The following STK4 variants were observed in gnomAD, a reference collection of about 807,000 sequenced individuals.
The protein encoded by STK4 is serine/threonine kinase 4.
STK4 carries 30 observed loss-of-function variants against 64.9 expected under a neutral mutation model. The ratio of observed to expected loss-of-function variants is 0.46; its 90% confidence interval spans 0.35 to 0.63. The LOEUF (loss-of-function observed/expected upper bound fraction) is 0.63. STK4 is among the 20% of genes least tolerant of loss of function. STK4 has a pLI of 0.01. For synonymous variants in STK4, 177 were observed against 199.0 expected (o/e 0.89, Z 0.93); for missense variants, 466 against 598.5 (o/e 0.78, Z 2.31).
chr20:45,000,627 G>A, intron 8 of STK4, 107 bp downstream of exon 8: 1 of 1,483,938 alleles, frequency 6.7e-7, no homozygotes, highest in African/African-American at 1.4e-5. Context: ...TGGAGCTGGA[G>A]ATGCTTCCAG....
rs1479927386 is a variant in STK4 at position 45,054,219 on chromosome 20, T to A, written c.1306-20799T>A. Among the ~76,000 whole-genome samples, 3 of 152,046 alleles carry A rather than the reference T, an allele frequency of 2.0e-5. No homozygotes were observed. In the South Asian group the frequency reaches 6.2e-4, roughly 32 times the overall value. ...CTCTCTGTTTAGCTGAGAAAATGAG[T>A]GTGAAAGCACTTAGCCAATAGTAGT... is the stretch of plus-strand genomic sequence containing the variant. On this transcript the variant is annotated intron_variant, in intron 10 of 10. Transcript: ENST00000372806.
chr20:44,981,402 G>C (rs1214079169), intron 3 of STK4, among the ~76,000 whole-genome samples: 2 of 151,880 alleles, frequency 1.3e-5, no homozygotes, highest in African/African-American at 2.4e-5. Flanking sequence ...CAATCCGCCC[G>C]CATCGGCCTC....
chr20:45,027,959 C>T (rs1247163731), intron 10 of STK4, among the ~76,000 whole-genome samples: 5 of 152,308 alleles, frequency 3.3e-5, no homozygotes, highest in East Asian at 1.9e-4. Context: ...TCTTTTCTGG[C>T]GGATAATATT....
rs548778823 is a variant in STK4 at position 45,008,950 on chromosome 20, GTA to G, written c.1147+7600_1147+7601del. On this transcript the variant is annotated intron_variant, in intron 9 of 10. Coordinates refer to ENST00000372806, the MANE Select transcript of STK4 (RefSeq NM_006282.5). ...TCTGGATATTAGACCTTTGTTGAATGTATAGTTTGTGAATATTTTCTCCCTTT... is the reference window on the plus strand; with the variant it reads ...TCTGGATATTAGACCTTTGTTGAATGTAGTTTGTGAATATTTTCTCCCTTT... Among the ~76,000 whole-genome samples the G allele has an allele frequency of 2.6e-3, 389 of 152,188 alleles. 2 individuals are homozygous for G. Among genetic ancestry groups the G allele is most frequent in the African/African-American group, 7.4e-3 (306 of 41,532 alleles).
intron 4 of STK4, among the ~76,000 whole-genome samples, chr20:44,983,042 A>G (rs531441583): frequency 2.9e-4 from 44 of 152,306 alleles, no homozygotes; most frequent in Admixed American, 3.9e-4. Context: ...AGAGTCCTGA[A>G]GGAACATTGT....
At chr20:45,011,011 G>A (rs2068035047) in intron 9 of STK4, among the ~76,000 whole-genome samples, 1 of 152,168 alleles carries the variant, frequency 6.6e-6, no homozygotes, top group Admixed American at 6.5e-5. Context: ...GTGGCCTCAA[G>A]CATACATGTG....
chr20:45,001,525 A>G (rs142191906), intron 9 of STK4, among the ~76,000 whole-genome samples, 172 bp downstream of exon 9: 2 of 152,218 alleles, frequency 1.3e-5, no homozygotes, highest in East Asian at 3.8e-4. Flanking sequence ...TGAGGGGGAA[A>G]GCTGGCCTGT....
intron 5 of STK4, among the ~76,000 whole-genome samples, chr20:44,988,554 T>C (rs2067577341): frequency 7.0e-6 from 1 of 143,458 alleles, no homozygotes; most frequent in African/African-American, 2.6e-5. Flanking sequence ...TATATATATA[T>C]ATATATATAT....
At chr20:45,021,451 A>C (rs2068245725) in intron 9 of STK4, among the ~76,000 whole-genome samples, 1 of 152,220 alleles carries the variant, frequency 6.6e-6, no homozygotes, top group Non-Finnish European at 1.5e-5. Context: ...CTCACACATG[A>C]AGAAAGAATC....
At chr20:45,015,200 T>C (rs553827451) in intron 9 of STK4, among the ~76,000 whole-genome samples, 2 of 152,324 alleles carry the variant, frequency 1.3e-5, no homozygotes, top group South Asian at 2.1e-4. Context: ...GGCTAGGCTG[T>C]TGTCAAAATG....
rs139025354 is a variant in STK4 at position 45,072,744 on chromosome 20, A to G, written c.1306-2274A>G. 5.8e-3 allele frequency among the ~76,000 whole-genome samples: 888 copies of G among 152,356 alleles called. 4 individuals are homozygous for G. Among genetic ancestry groups the G allele is most frequent in the Non-Finnish European group, 7.5e-3 (510 of 68,032 alleles). On this transcript the variant is annotated intron_variant, in intron 10 of 10. Coordinates refer to ENST00000372806, the MANE Select transcript of STK4 (RefSeq NM_006282.5). Reference sequence around the variant, plus strand: ...TAGAGTAGAATATTTTCTTTTTCACATGTTTGATTCTAGCTTGAATTAGAG... The same window carrying G: ...TAGAGTAGAATATTTTCTTTTTCACGTGTTTGATTCTAGCTTGAATTAGAG...
At chr20:45,025,184 A>G (rs2068323588) in intron 10 of STK4, 54 bp downstream of exon 10, 1 of 1,557,720 alleles carries the variant, frequency 6.4e-7, no homozygotes. Context: ...TATTTGAAAT[A>G]TCACACATTA....
rs1179668973 is a variant in STK4 at position 45,034,749 on chromosome 20, C to CA, written c.1305+9627dup. Among the ~76,000 whole-genome samples the CA allele has an allele frequency of 2.7e-5, 4 of 150,702 alleles. No individual in the cohort carries two copies. The South Asian group carries it at 6.3e-4, about 24-fold the overall frequency. ...TATCATAGTGAGATCCCCATCTCTACAAAAAAAAGGAAAAAAAATTAGCTG... is the reference window on the plus strand; with the variant it reads ...TATCATAGTGAGATCCCCATCTCTACAAAAAAAAAGGAAAAAAAATTAGCTG... On this transcript the variant is annotated intron_variant, in intron 10 of 10. Transcript: ENST00000372806.
chr20:45,060,555 A>C (rs1305100336), intron 10 of STK4, among the ~76,000 whole-genome samples: 2 of 152,168 alleles, frequency 1.3e-5, no homozygotes, highest in African/African-American at 4.8e-5. Flanking sequence ...CTTTACAGTC[A>C]GACACGCTAA....
chr20:45,036,686 A>G (rs141299393), intron 10 of STK4, among the ~76,000 whole-genome samples: 12 of 152,278 alleles, frequency 7.9e-5, no homozygotes, highest in African/African-American at 2.6e-4. Context: ...AACAAATGTG[A>G]ATCTTCCATC....
intron 3 of STK4, among the ~76,000 whole-genome samples, chr20:44,980,950 G>T (rs1219474963): frequency 6.6e-6 from 1 of 152,132 alleles, no homozygotes; most frequent in Non-Finnish European, 1.5e-5. Context: ...TTACAGATGT[G>T]AGCCACTGCG....
intron 1 of STK4, among the ~76,000 whole-genome samples, chr20:44,971,310 T>C (rs17322289): frequency 0.072 from 10,998 of 152,256 alleles, 612 homozygotes; most frequent in Non-Finnish European, 0.12. Flanking sequence ...CAAAGGTATG[T>C]ATCTACTCAT....
intron 7 of STK4, among the ~76,000 whole-genome samples, chr20:44,997,971 C>A (rs994489935): frequency 2.6e-5 from 4 of 152,132 alleles, no homozygotes; most frequent in African/African-American, 4.8e-5. Context: ...GAGGTTTACT[C>A]ATTTCGGGTC....
At chr20:45,048,671 G>A (rs779156230) in intron 10 of STK4, among the ~76,000 whole-genome samples, 32 of 151,912 alleles carry the variant, frequency 2.1e-4, no homozygotes, top group Non-Finnish European at 3.7e-4. Context: ...TAGTAGAGAC[G>A]GGGTTTCACC....
Sources: allele counts gnomAD v4.1 joint callset (sites outside exome capture counted in the v4.1 genomes callset), GRCh38; gene constraint gnomAD v4.1.1; transcripts MANE v1.5; gene names NCBI Gene and HGNC (gene_info 2026-07-23, HGNC 2026-07-21).